GSE1: variants seen among roughly 807,000 people sequenced by gnomAD.
GSE1 encodes the protein Gse1 coiled-coil protein, also known as genetic suppressor element 1.
A neutral mutation model predicts 112.6 loss-of-function variants in GSE1; 32 were observed. The observed-to-expected ratio is 0.28, with a 90% CI of 0.21 to 0.38. GSE1 has a LOEUF of 0.38. Ranked by LOEUF, GSE1 falls within the 10% of genes least tolerant of loss-of-function variation. GSE1 has a pLI of 1.00. For missense variants in GSE1, 2,348 were observed against 1,699.2 expected (o/e 1.38, Z -6.71); for synonymous variants, 1,115 against 735.6 (o/e 1.52, Z -8.35).
chr16:85,259,900 C>T (rs1249397683), intron 1 of GSE1, among the ~76,000 whole-genome samples: 2 of 152,222 alleles, frequency 1.3e-5, no homozygotes, highest in African/African-American at 4.8e-5. Flanking sequence ...TGACCTACCC[C>T]AGCCCAGCTG....
intron 2 of GSE1, among the ~76,000 whole-genome samples, chr16:85,503,732 A>T (rs1383937471): frequency 6.6e-6 from 1 of 152,200 alleles, no homozygotes. Flanking sequence ...AACCTCGCCG[A>T]TGACAGACCC....
chr16:85,344,992 C>T (rs917202781), intron 1 of GSE1, among the ~76,000 whole-genome samples: 2 of 152,258 alleles, frequency 1.3e-5, no homozygotes, highest in East Asian at 1.9e-4. Flanking sequence ...CTCAGCCGCC[C>T]CCTCCCACAG....
chr16:85,601,535 C>A (rs1487900091), intron 1 of GSE1, among the ~76,000 whole-genome samples: 1 of 152,092 alleles, frequency 6.6e-6, no homozygotes, highest in African/African-American at 2.4e-5. Context: ...GGGGGGTGAC[C>A]TGGGGACCCA....
intron 2 of GSE1, among the ~76,000 whole-genome samples, chr16:85,498,453 G>A (rs1402020019): frequency 3.3e-5 from 5 of 151,810 alleles, no homozygotes; most frequent in African/African-American, 4.8e-5. Context: ...CCATGCATAC[G>A]GATGTGCATA....
intron 1 of GSE1, chr16:85,279,087 T>A (rs1449049168): frequency 6.6e-6 from 1 of 152,242 alleles, no homozygotes; most frequent in Non-Finnish European, 1.5e-5. Flanking sequence ...CCAGTGTCCT[T>A]CCCAGCTGAT....
intron 1 of GSE1, among the ~76,000 whole-genome samples, chr16:85,203,551 A>C (rs140798952): frequency 1.7e-3 from 259 of 152,292 alleles, no homozygotes; most frequent in African/African-American, 5.9e-3. Flanking sequence ...TGTGCAGGAC[A>C]CGGAAGGGGA....
chr16:85,621,335 A>G (rs1430755004), intron 1 of GSE1, among the ~76,000 whole-genome samples: 5 of 152,190 alleles, frequency 3.3e-5, no homozygotes, highest in Admixed American at 6.5e-5. Context: ...ACCCGCTTAG[A>G]TCGTCTCTTG....
intron 2 of GSE1, among the ~76,000 whole-genome samples, chr16:85,448,042 C>T (rs954463407): frequency 2.0e-5 from 3 of 152,188 alleles, no homozygotes; most frequent in African/African-American, 4.8e-5. Context: ...GCGTAGGGCA[C>T]CTGGCAGCCA....
At chr16:85,227,051 C>T (rs913023122) in intron 1 of GSE1, among the ~76,000 whole-genome samples, 2 of 143,994 alleles carry the variant, frequency 1.4e-5, no homozygotes, top group African/African-American at 5.0e-5. Context: ...CTTTCATCTT[C>T]CATCTGTCTA....
chr16:85,247,764 G>A (rs774152355), intron 1 of GSE1, among the ~76,000 whole-genome samples: 3 of 152,236 alleles, frequency 2.0e-5, no homozygotes, highest in Non-Finnish European at 2.9e-5. Context: ...GGGAGGGAAC[G>A]CGGGGAGGGA....
chr16:85,590,092 G>T (rs1290418747), intron 1 of GSE1, among the ~76,000 whole-genome samples: 1 of 152,056 alleles, frequency 6.6e-6, no homozygotes. Context: ...TGTGTGTGAG[G>T]CGTGTGATTG....
intron 1 of GSE1, among the ~76,000 whole-genome samples, chr16:85,173,672 T>C (rs1016588252): frequency 3.9e-5 from 6 of 152,174 alleles, no homozygotes; most frequent in Non-Finnish European, 5.9e-5. Context: ...TTCTGGTGTA[T>C]TTTCTCATGT....
At chr16:85,274,333 T>C (rs1909146929) in intron 1 of GSE1, among the ~76,000 whole-genome samples, 1 of 151,992 alleles carries the variant, frequency 6.6e-6, no homozygotes, top group Admixed American at 6.5e-5. Context: ...TGCAGTGAGC[T>C]GAGATCACGC....
intron 2 of GSE1, among the ~76,000 whole-genome samples, chr16:85,478,859 CTTTCTTTCTTTCTTTCTT>C (rs2050553441): frequency 1.8e-4 from 4 of 22,236 alleles, no homozygotes; most frequent in Admixed American, 5.2e-4. Context: ...TTCTTTCTTT[CTTTCTTTCTTTCTTTCTT>C]TCTTTCTTTC....
At chr16:85,556,464 GGGCATT>G in intron 1 of GSE1, 1 of 376,158 alleles carries the variant, frequency 2.7e-6, no homozygotes, top group Non-Finnish European at 3.6e-6. Context: ...GCCAGGGTCG[GGGCATT>G]GGGTCCGCCG....
chr16:85,651,892 GC>G (rs1286388700), intron 3 of GSE1, among the ~76,000 whole-genome samples: 2 of 152,210 alleles, frequency 1.3e-5, no homozygotes, highest in Non-Finnish European at 2.9e-5. Context: ...ATGCTGGGGG[GC>G]CAGGGGCCAC....
chr16:85,546,126 C>A lies in GSE1; in HGVS notation c.2465-87788C>A, dbSNP rs189813854. 4.9e-3 allele frequency among the ~76,000 whole-genome samples: 742 copies of A among 152,080 alleles called. 17 individuals are homozygous for A. The highest frequency in any genetic ancestry group is 1.9e-3 in the Non-Finnish European group (128 of 67,990). On this transcript the variant is annotated intron_variant, in intron 2 of 2. Coordinates refer to the GSE1 transcript ENST00000637419. ...TCTTGAGACAGTCTAGCTCTGTTGC[C>A]CAGGCTAGAGTACAGTGGCCCGATC...
chr16:85,506,070 C>T (rs1014693849), intron 2 of GSE1, among the ~76,000 whole-genome samples: 6 of 152,086 alleles, frequency 3.9e-5, no homozygotes, highest in South Asian at 2.1e-4. Context: ...CACAGTGAGT[C>T]GAACCAGGCA....
At chr16:85,201,151 C>CT (rs1039602217) in intron 1 of GSE1, among the ~76,000 whole-genome samples, 11 of 152,134 alleles carry the variant, frequency 7.2e-5, no homozygotes, top group African/African-American at 2.7e-4. Context: ...TAGCTCACTG[C>CT]AGCCTCAACC....
Sources: gnomAD v4.1 joint callset for allele counts (sites outside exome capture counted in the v4.1 genomes callset) on GRCh38, gnomAD v4.1.1 for gene constraint, MANE v1.5 for transcripts, NCBI Gene and HGNC (gene_info 2026-07-23, HGNC 2026-07-21) for gene names.